The following RAD51B variants were observed in gnomAD, a reference collection of about 807,000 sequenced individuals.
The protein encoded by RAD51B is DNA repair protein RAD51 homolog 2.
In RAD51B, 38 loss-of-function variants were observed where a neutral mutation model predicts 42.2. The observed-to-expected ratio is 0.90, with a 90% CI of 0.70 to 1.18. The LOEUF (loss-of-function observed/expected upper bound fraction) is 1.18. Among genes scored for constraint, RAD51B ranks in the 50% most tolerant of loss-of-function variants. The pLI, the probability that RAD51B is intolerant of heterozygous loss-of-function variation, is 0.00. For missense variants in RAD51B, 373 were observed against 400.7 expected (o/e 0.93, Z 0.59); for synonymous variants, 154 against 145.2 (o/e 1.06, Z -0.43).
intron 7 of RAD51B, among the ~76,000 whole-genome samples, chr14:68,127,849 A>C (rs2077802443): frequency 6.6e-6 from 1 of 152,184 alleles, no homozygotes. Context: ...ATTAAATTTT[A>C]GAGTTTTCAT....
intron 10 of RAD51B, among the ~76,000 whole-genome samples, chr14:68,633,191 A>G (rs1056358426): frequency 6.6e-6 from 1 of 151,372 alleles, no homozygotes; most frequent in Non-Finnish European, 1.5e-5. Context: ...CACACAAGTT[A>G]GTTCCACAGA....
At chr14:68,292,290 T>C (rs1218145326) in intron 8 of RAD51B, among the ~76,000 whole-genome samples, 2 of 152,308 alleles carry the variant, frequency 1.3e-5, no homozygotes, top group African/African-American at 4.8e-5. Context: ...TACTCAAAGG[T>C]TGGCTTTCCC....
chr14:68,071,249 C>G (rs2140465328), intron 7 of RAD51B, among the ~76,000 whole-genome samples: 1 of 152,096 alleles, frequency 6.6e-6, no homozygotes, highest in African/African-American at 2.4e-5. Context: ...TATGTGGATG[C>G]CTTTTATTTC....
chr14:68,555,093 G>A (rs1346499017), intron 10 of RAD51B, among the ~76,000 whole-genome samples: 4 of 152,154 alleles, frequency 2.6e-5, no homozygotes, highest in Non-Finnish European at 4.4e-5. Flanking sequence ...TGATCCGCCC[G>A]CCTCAGCCTC....
intron 11 of RAD51B, among the ~76,000 whole-genome samples, chr14:68,682,505 C>A (rs907575121): frequency 1.3e-5 from 2 of 152,212 alleles, no homozygotes; most frequent in East Asian, 3.8e-4. Flanking sequence ...ACATAACCTT[C>A]CTCATTAGGC....
At chr14:68,321,445 G>A (rs574986715) in intron 8 of RAD51B, among the ~76,000 whole-genome samples, 1 of 152,310 alleles carries the variant, frequency 6.6e-6, no homozygotes, top group African/African-American at 2.4e-5. Context: ...TGCCACAGGG[G>A]CTTTCAGAAA....
At chr14:67,820,071 T>C (rs974445284) in intron 1 of RAD51B, among the ~76,000 whole-genome samples, 2 of 152,202 alleles carry the variant, frequency 1.3e-5, no homozygotes, top group African/African-American at 4.8e-5. Flanking sequence ...GCTTGGAAGC[T>C]GCTCATTGTT....
rs138433325 is a variant in RAD51B, at chr14:68,265,309, C to T, written c.757-26575C>T. Among the ~76,000 whole-genome samples the T allele has an allele frequency of 6.6e-4, 101 of 152,272 alleles. 1 individual carries two copies. Among genetic ancestry groups the T allele is most frequent in the Middle Eastern group, 3.4e-3 (1 of 294 alleles). On this transcript the variant is annotated intron_variant, in intron 7 of 10. Coordinates refer to ENST00000471583, the MANE Select transcript of RAD51B (RefSeq NM_133510.4). ...ATTACTCATTTATGGCTAAGTATATCACAAATAAATGTTAGGTCCCCTAGT... is the reference window on the plus strand; with the variant it reads ...ATTACTCATTTATGGCTAAGTATATTACAAATAAATGTTAGGTCCCCTAGT...
chr14:67,974,982 G>A (rs1013532482), intron 7 of RAD51B, among the ~76,000 whole-genome samples: 1 of 151,686 alleles, frequency 6.6e-6, no homozygotes, highest in African/African-American at 2.4e-5. Context: ...TGCTTTTTTT[G>A]GTTTCTCTCC....
downstream of RAD51B, among the ~76,000 whole-genome samples, chr14:68,600,485 T>G (rs6573844): frequency 1.3e-5 from 2 of 151,896 alleles, no homozygotes; most frequent in Admixed American, 6.6e-5. Flanking sequence ...GGCTGGGTAT[T>G]GGCAGCCCAC....
rs188774367 is a variant in RAD51B, at chr14:67,844,845, C to T, written c.315+9649C>T. Among the ~76,000 whole-genome samples, 246 of 151,958 alleles carry T rather than the reference C, an allele frequency of 1.6e-3. 1 individual carries two copies. The highest frequency in any genetic ancestry group is 5.1e-3 in the African/African-American group (210 of 41,462). On this transcript the variant is annotated intron_variant, in intron 4 of 10. Transcript: ENST00000471583. ...GATGAGTTCATGTCCTTTGTAGGGACGTGGATGAAGCTGGAAACCATTTTT... is the reference window on the plus strand; with the variant it reads ...GATGAGTTCATGTCCTTTGTAGGGATGTGGATGAAGCTGGAAACCATTTTT...
downstream of RAD51B, among the ~76,000 whole-genome samples, chr14:68,599,842 C>G (rs17105940): frequency 0.15 from 23,345 of 152,182 alleles, 1,951 homozygotes; most frequent in African/African-American, 0.19. Flanking sequence ...CTTTCGGAAC[C>G]ACTTCACATA....
intron 10 of RAD51B, among the ~76,000 whole-genome samples, chr14:68,578,973 C>G (rs1347029677): frequency 1.3e-5 from 2 of 152,128 alleles, no homozygotes; most frequent in Non-Finnish European, 2.9e-5. Context: ...ACCCATCCAC[C>G]CTTAGTAGCC....
At chr14:68,638,526 T>C (rs1444222662) in intron 10 of RAD51B, among the ~76,000 whole-genome samples, 1 of 152,098 alleles carries the variant, frequency 6.6e-6, no homozygotes, top group Non-Finnish European at 1.5e-5. Context: ...GAGCTGGTTG[T>C]GTACACTCTG....
At chr14:67,885,785 T>C in intron 5 of RAD51B, 84 bp from the exon 6 acceptor site, 2 of 1,494,706 alleles carry the variant, frequency 1.3e-6, no homozygotes, top group Non-Finnish European at 1.8e-6. Flanking sequence ...TAGGAGTTTC[T>C]CAAGTAAAAT....
intron 7 of RAD51B, among the ~76,000 whole-genome samples, chr14:68,058,836 CT>C (rs1209988188): frequency 6.6e-6 from 1 of 152,042 alleles, no homozygotes; most frequent in East Asian, 1.9e-4. Context: ...ATGAAATTGC[CT>C]AAGAAGTTGA....
chr14:68,531,107 G>A (rs948784282), intron 10 of RAD51B, among the ~76,000 whole-genome samples: 19 of 149,126 alleles, frequency 1.3e-4, no homozygotes, highest in African/African-American at 4.7e-4. Context: ...AACCAACAAA[G>A]GAGAAAGCAG....
intron 7 of RAD51B, among the ~76,000 whole-genome samples, chr14:67,904,932 C>CA (rs1395737687): frequency 3.0e-5 from 4 of 132,080 alleles, no homozygotes; most frequent in Non-Finnish European, 6.7e-5. Context: ...TCCTATTTGT[C>CA]AGTTTTTTTT....
chr14:67,853,253 C>T (rs2041884261), intron 4 of RAD51B, among the ~76,000 whole-genome samples: 1 of 152,172 alleles, frequency 6.6e-6, no homozygotes, highest in Non-Finnish European at 1.5e-5. Flanking sequence ...GATAAGAGTC[C>T]AGCTCAGCTG....
Sources: gnomAD v4.1 joint callset for allele counts (sites outside exome capture counted in the v4.1 genomes callset) on GRCh38, gnomAD v4.1.1 for gene constraint, MANE v1.5 for transcripts, NCBI Gene and HGNC (gene_info 2026-07-23, HGNC 2026-07-21) for gene names.